Variants in LTBP3 observed in about 807,000 individuals in gnomAD.
The protein encoded by LTBP3 is latent transforming growth factor beta binding protein 3.
Under a neutral mutation model 159.7 loss-of-function variants are expected in LTBP3, and 97 were observed. The observed-to-expected ratio is 0.61, with a 90% CI of 0.52 to 0.72. The LOEUF is 0.72. LTBP3 is among the 30% of genes least tolerant of loss of function. The pLI is 0.00. For missense variants in LTBP3, 1,584 were observed against 1,864.3 expected (o/e 0.85, Z 2.77); for synonymous variants, 824 against 777.1 (o/e 1.06, Z -1.00).
chr11:65,551,847 C>T, intron 8 of LTBP3, 125 bp downstream of exon 8: 1 of 1,169,420 alleles, frequency 8.6e-7, no homozygotes, highest in Non-Finnish European at 1.3e-6. Flanking sequence ...GGTGGGAGGT[C>T]AGTGGATGGG....
chr11:65,557,879 CA>C lies in LTBP3; in HGVS notation c.80del (p.Leu27ArgfsTer43). 1.5e-6 allele frequency: 2 copies of C among 1,309,562 alleles called. No individual in the cohort carries two copies. The highest frequency in any genetic ancestry group is 3.5e-5 in the East Asian group (1 of 28,340). The allele number at this position is 1,309,562 out of a possible 1,614,324, so 81.1% of individuals were successfully genotyped here. ...GAGAAGLLALLLLLLLLLLGL... is the reference protein window; with the variant it reads ...GAGAAGLLALXLLLLLLLLGL... ...CCAGCAGCAGCAGCAGCAGCAGCAG[CA>C]GCAGCGCCAGCAGCCCCGCCGCCCC... is the stretch of plus-strand genomic sequence containing the variant. On this transcript the variant is annotated frameshift_variant, in exon 1 of 28. Coordinates refer to ENST00000301873, the MANE Select transcript of LTBP3 (RefSeq NM_001130144.3). LOFTEE classifies it high-confidence loss of function.
rs1179967567 is a variant in LTBP3 at position 65,552,079 on chromosome 11, T to G, written c.1424A>C (p.Glu475Ala). ...TSHQTLTIQG[E>A]SDFSLFLHPD... is the part of the protein sequence containing the mutation. ...GTGCAGGAAAAGGGAAAAGTCACTCTCGCCCTGAATGGTGAGCGTCTGGTG... is the reference window on the plus strand; with the variant it reads ...GTGCAGGAAAAGGGAAAAGTCACTCGCGCCCTGAATGGTGAGCGTCTGGTG... The change falls in exon 8 of 28, where the codon GAG becomes GCG. Residue 475 changes from glutamate (E) to alanine (A), a missense_variant. Coordinates refer to ENST00000301873, the MANE Select transcript of LTBP3 (RefSeq NM_001130144.3). This position sits in a 1 kb window ranked among gnomAD's most constrained non-coding sequence, Gnocchi z 6.0. 2 of 1,614,092 alleles carry G rather than the reference T, an allele frequency of 1.2e-6. No homozygotes were observed.
intron 26 of LTBP3, 40 bp downstream of exon 26, chr11:65,539,508 G>A: frequency 1.9e-6 from 3 of 1,602,614 alleles, no homozygotes; most frequent in Non-Finnish European, 2.6e-6. Context: ...CCCGGCCAAA[G>A]GCTACCAACC....
chr11:65,557,134 C>T (rs779180255), intron 1 of LTBP3, among the ~76,000 whole-genome samples: 6 of 152,150 alleles, frequency 3.9e-5, no homozygotes, highest in Non-Finnish European at 7.4e-5. Context: ...TGCCAGTAGC[C>T]GGCTCCCATC....
At chr11:65,557,122 C>T (rs1208922751) in intron 1 of LTBP3, among the ~76,000 whole-genome samples, 1 of 152,164 alleles carries the variant, frequency 6.6e-6, no homozygotes, top group Non-Finnish European at 1.5e-5. Context: ...CTACTCAGAC[C>T]TTGCCAGTAG....
chr11:65,539,018 C>A lies in LTBP3; in HGVS notation c.*62G>T. 1 of 1,325,222 alleles carries A rather than the reference C, an allele frequency of 7.5e-7. No homozygotes were observed. The highest frequency in any genetic ancestry group is 9.6e-7 in the Non-Finnish European group (1 of 1,038,798). 82.1% of individuals were successfully genotyped at this position (1,325,222 alleles called of 1,614,324 possible). ...GCCACAAGTCGGGGCAGAAGTGAGG[C>A]CGAGCTCGCGGAAATCCCTCAGTGA... On this transcript the variant is annotated 3_prime_UTR_variant, in exon 28 of 28. Transcript: ENST00000301873.
rs754855709 is a variant in LTBP3, at chr11:65,547,395, A to G, written c.2107+44T>C. The G allele has an allele frequency of 8.7e-6, 14 of 1,604,428 alleles. No individual in the cohort carries two copies. The highest frequency in any genetic ancestry group is 1.3e-5 in the African/African-American group (1 of 74,548). Reference sequence around the variant, plus strand: ...CCCCAGCCCCACCCCAGGTGGAGAGACAGCTAAGGAGCTCCTTCTTTGGTC... The same window carrying G: ...CCCCAGCCCCACCCCAGGTGGAGAGGCAGCTAAGGAGCTCCTTCTTTGGTC... On this transcript the variant is annotated intron_variant, in intron 14 of 27. Transcript: ENST00000301873. The surrounding 1 kb of genome is among the most constrained non-coding windows in gnomAD (Gnocchi z 4.6).
intron 16 of LTBP3, chr11:65,544,689 A>C (rs1208613609): frequency 6.6e-6 from 1 of 152,576 alleles, no homozygotes; most frequent in African/African-American, 2.4e-5. Context: ...TCCCCTACTC[A>C]ACCCAGGCCC....
At chr11:65,551,062 G>C in intron 11 of LTBP3, 64 bp downstream of exon 11, 4 of 1,315,786 alleles carry the variant, frequency 3.0e-6, no homozygotes, top group Non-Finnish European at 4.2e-6. Flanking sequence ...GGGCGGGAGG[G>C]AGGAGAGAAA....
Position 65,546,970 on chromosome 11 carries a change from G to A in LTBP3, c.2108-50C>T, listed in dbSNP as rs763301006. Reference sequence around the variant, plus strand: ...GACCCATCTGGGGACAACGCGGGTGGCCCGGCTCCCAGCGTCCACAGCAGG... The same window carrying A: ...GACCCATCTGGGGACAACGCGGGTGACCCGGCTCCCAGCGTCCACAGCAGG... On this transcript the variant is annotated intron_variant, in intron 14 of 27. Coordinates refer to ENST00000301873, the MANE Select transcript of LTBP3 (RefSeq NM_001130144.3). The surrounding 1 kb of genome is among the most constrained non-coding windows in gnomAD (Gnocchi z 4.0). 6.2e-7 allele frequency: 1 copy of A among 1,603,516 alleles called. No homozygotes were observed. Among genetic ancestry groups the A allele is most frequent in the South Asian group, 1.1e-5 (1 of 91,076 alleles).
intron 18 of LTBP3, 31 bp from the exon 19 acceptor site, chr11:65,541,759 C>T (rs756346637): frequency 1.9e-6 from 3 of 1,613,184 alleles, no homozygotes; most frequent in Non-Finnish European, 1.7e-6. Context: ...AGCTGGAAAC[C>T]CAGCCCCTCT....
At chr11:65,548,098 A>G in intron 11 of LTBP3, 53 bp from the exon 12 acceptor site, 1 of 1,611,748 alleles carries the variant, frequency 6.2e-7, no homozygotes, top group Non-Finnish European at 8.5e-7. Flanking sequence ...ACCTTCTGCC[A>G]TATCCCCAGG....
chr11:65,554,097 G>C lies in LTBP3; in HGVS notation c.615C>G (p.His205Gln). 6.2e-7 allele frequency: 1 copy of C among 1,609,258 alleles called. No homozygotes were observed. The highest frequency in any genetic ancestry group is 1.1e-5 in the South Asian group (1 of 91,074). The change falls in exon 2 of 28, where the codon CAC becomes CAG. Residue 205 changes from histidine to glutamine, a missense_variant. Around this residue, in one of 6 missense-constraint regions of LTBP3, gnomAD observed 194 missense variants for 198.7 expected, o/e 0.98. Coordinates refer to ENST00000301873, the MANE Select transcript of LTBP3 (RefSeq NM_001130144.3). The surrounding 1 kb of genome is among the most constrained non-coding windows in gnomAD (Gnocchi z 5.3). ...PGPGEGPPAQ[H>Q]AAFLVPLGPG... ...GGCCTAGGGGCACCAGGAAGGCTGC[G>C]TGCTGGGCAGGAGGCCCCTCCCCGG...
rs764011805 is a variant in LTBP3 at position 65,551,600 on chromosome 11, G to A, written c.1532-36C>T. The stretch of plus-strand genomic sequence containing the variant: ...AGAAGATGGGGCCATGAAGTGTTGG[G>A]GCGGGAGAAGGGAGTCAGATCTGGG... On this transcript the variant is annotated intron_variant, in intron 8 of 27. Transcript: ENST00000301873. 11 of 1,613,696 alleles carry A rather than the reference G, an allele frequency of 6.8e-6. No homozygotes were observed. In the Admixed American group the frequency reaches 1.3e-4, roughly 20 times the overall value.
In LTBP3 at chr11:65,558,086, A is replaced by C; in HGVS notation, c.-127T>G. The C allele has an allele frequency of 1.9e-6, 2 of 1,032,224 alleles. No individual in the cohort carries two copies. The highest frequency in any genetic ancestry group is 2.3e-6 in the Non-Finnish European group (2 of 852,022). 63.9% of individuals were successfully genotyped at this position (1,032,224 alleles called of 1,614,324 possible). ...GGCAGCGAGGGAGGGCAGCGGGGGAAGCGGGCGGGAGGGGACCGCGGGGGC... is the reference window on the plus strand; with the variant it reads ...GGCAGCGAGGGAGGGCAGCGGGGGACGCGGGCGGGAGGGGACCGCGGGGGC... On this transcript the variant is annotated 5_prime_UTR_variant, in exon 1 of 28. Transcript: ENST00000301873.
chr11:65,558,301 G>C lies in LTBP3; in HGVS notation c.-342C>G, dbSNP rs932374161. On this transcript the variant is annotated 5_prime_UTR_variant, in exon 1 of 28. Transcript: ENST00000301873. ...CCGCTCCGCGCCTCCCCCTGGCCGG[G>C]CTCCTCTCCCGCGGCCGCGGGGAGG... The C allele has an allele frequency of 1.4e-5, 11 of 761,334 alleles. No individual in the cohort carries two copies. The African/African-American group carries it at 2.0e-4, about 14-fold the overall frequency. 47.2% of individuals were successfully genotyped at this position (761,334 alleles called of 1,614,324 possible).
Position 65,541,531 on chromosome 11 carries a change from C to T in LTBP3, c.2725+69G>A, listed in dbSNP as rs1856137580. 10 of 1,610,906 alleles carry T rather than the reference C, an allele frequency of 6.2e-6. No individual in the cohort carries two copies. The East Asian group carries it at 1.1e-4, about 18-fold the overall frequency. ...AATTTAGGAGGGTGGGGCCAGGACA[C>T]ATCTCTGAATCCCAGCTGCAGCTCA... is the stretch of plus-strand genomic sequence containing the variant. On this transcript the variant is annotated intron_variant, in intron 19 of 27. Coordinates refer to ENST00000301873, the MANE Select transcript of LTBP3 (RefSeq NM_001130144.3).
At position 65,547,933 on chromosome 11, in the gene LTBP3, G is replaced by T; in HGVS notation, c.1833C>A (p.His611Gln). 2 of 1,613,872 alleles carry T rather than the reference G, an allele frequency of 1.2e-6. No individual in the cohort carries two copies. The highest frequency in any genetic ancestry group is 1.7e-6 in the Non-Finnish European group (2 of 1,179,998). ...CCCTGCGCTCACCCACGCAGTAGCG[G>T]TGCTGGGGATGTGACCGGTAGCCGG... ...CNPGYRSHPQ[H>Q]RYCVDVNECE... The change falls in exon 12 of 28, where the codon CAC (histidine) becomes CAA (glutamine). Residue 611 changes from histidine (H) to glutamine (Q), a missense_variant. This residue lies in a region of LTBP3 where 565 missense variants were observed against 677.7 expected (regional missense o/e 0.83). Coordinates refer to ENST00000301873, the MANE Select transcript of LTBP3 (RefSeq NM_001130144.3). This position sits in a 1 kb window ranked among gnomAD's most constrained non-coding sequence, Gnocchi z 4.6.
Position 65,539,244 on chromosome 11 carries a change from G to A in LTBP3, c.3761-13C>T, listed in dbSNP as rs1418588165. The stretch of plus-strand genomic sequence containing the variant: ...CACTCGTCGATATCTGAAGGTGAGG[G>A]CGACAGGTGCGGCTTCGCTGAGCCT... On this transcript the variant is annotated splice_polypyrimidine_tract_variant and intron_variant, in intron 27 of 27. Transcript: ENST00000301873. 5.9e-6 allele frequency: 9 copies of A among 1,524,674 alleles called. No individual in the cohort carries two copies. Among genetic ancestry groups the A allele is most frequent in the Admixed American group, 2.0e-5 (1 of 49,936 alleles). 94.4% of individuals were successfully genotyped at this position (1,524,674 alleles called of 1,614,324 possible). A position where few individuals can be genotyped will look rare whatever the true frequency, so the allele number is the denominator to read the frequency against.
Sources: gnomAD v4.1 joint callset for allele counts (sites outside exome capture counted in the v4.1 genomes callset) on GRCh38, gnomAD v4.1.1 for gene constraint, gnomAD v4.1.1 regional missense constraint, Gnocchi (gnomAD v3.1) non-coding constraint, MANE v1.5 for transcripts, NCBI Gene and HGNC (gene_info 2026-07-23, HGNC 2026-07-21) for gene names.